Variants in ELF5 observed in about 807,000 individuals in gnomAD.
ELF5 encodes ETS-related transcription factor Elf-5.
Under a neutral mutation model 38.2 loss-of-function variants are expected in ELF5, and 31 were observed. That is an observed-to-expected ratio of 0.81 (90% CI 0.61 to 1.10). ELF5 has a LOEUF of 1.10. ELF5 is among the 50% of genes least tolerant of loss of function. The probability of loss-of-function intolerance (pLI) is 0.00; values close to 1 mark genes in which losing one functional copy is unlikely to be tolerated. For missense variants in ELF5, 300 were observed against 306.6 expected, an observed-to-expected ratio of 0.98 and a Z score of 0.16; for synonymous variants, 121 against 112.5, an observed-to-expected ratio of 1.08 and a Z score of -0.48.
chr11:34,484,516 T>C (rs1432913537), intron 4 of ELF5, among the ~76,000 whole-genome samples: 5 of 151,750 alleles, frequency 3.3e-5, no homozygotes, highest in South Asian at 2.1e-4. Context: ...TACTATACTA[T>C]ACTATACTAT....
chr11:34,490,868 C>G (rs568032391), intron 3 of ELF5, among the ~76,000 whole-genome samples: 2 of 152,112 alleles, frequency 1.3e-5, no homozygotes, highest in South Asian at 2.1e-4. Flanking sequence ...TCAGTTGACT[C>G]TGTCCAAAGG....
intron 5 of ELF5, among the ~76,000 whole-genome samples, chr11:34,482,003 T>A (rs1439651525): frequency 6.6e-6 from 1 of 152,198 alleles, no homozygotes; most frequent in Admixed American, 6.5e-5. Flanking sequence ...CTAATAGGAT[T>A]GCCAATTCCC....
In ELF5 at chr11:34,479,362, T is replaced by G. The variant is rs539562361; in HGVS notation, c.*856A>C. 8 of 152,346 alleles carry G rather than the reference T, an allele frequency of 5.3e-5. No homozygotes were observed. The highest frequency in any genetic ancestry group is 1.7e-4 in the African/African-American group (7 of 41,570). The allele number at this position is 152,346 out of a possible 1,614,324, so 9.4% of individuals were successfully genotyped here. A position where few individuals can be genotyped will look rare whatever the true frequency, so the allele number is the denominator to read the frequency against. ...CTGTTGACTAACTCTGCATATCAGA[T>G]GCCAGCCATCAGTTAGAAGGGGGAA... On this transcript the variant is annotated 3_prime_UTR_variant, in exon 7 of 7. Coordinates refer to ENST00000257832, the MANE Select transcript of ELF5 (RefSeq NM_001422.4).
At chr11:34,483,682 C>T (rs1856993530) in intron 4 of ELF5, among the ~76,000 whole-genome samples, 1 of 151,922 alleles carries the variant, frequency 6.6e-6, no homozygotes, top group Non-Finnish European at 1.5e-5. Context: ...GCATACTATA[C>T]CAACTATACT....
At chr11:34,511,098 C>T (rs1053316256) in intron 1 of ELF5, among the ~76,000 whole-genome samples, 1 of 152,198 alleles carries the variant, frequency 6.6e-6, no homozygotes, top group Non-Finnish European at 1.5e-5. Flanking sequence ...TCTGCAGACA[C>T]CCACCTGATT....
chr11:34,480,742 G>A (rs1485440640), intron 6 of ELF5, 30 bp downstream of exon 6: 4 of 1,604,198 alleles, frequency 2.5e-6, no homozygotes, highest in Non-Finnish European at 3.4e-6. Context: ...TCTTCTTGAA[G>A]GCTCATAGTA....
chr11:34,498,888 T>C (rs1280986914), intron 2 of ELF5, among the ~76,000 whole-genome samples: 3 of 152,072 alleles, frequency 2.0e-5, no homozygotes, highest in African/African-American at 7.3e-5. Context: ...GGTCAGGAGT[T>C]CAAGACCAGC....
At chr11:34,509,166 C>G (rs942431244) in intron 1 of ELF5, among the ~76,000 whole-genome samples, 3 of 152,116 alleles carry the variant, frequency 2.0e-5, no homozygotes, top group Non-Finnish European at 4.4e-5. Flanking sequence ...CCCGTCTCCA[C>G]TAAAAACACA....
At chr11:34,504,526 G>C (rs1474988440) in intron 2 of ELF5, among the ~76,000 whole-genome samples, 1 of 152,170 alleles carries the variant, frequency 6.6e-6, no homozygotes, top group Admixed American at 6.5e-5. Flanking sequence ...CCAGAGGCAG[G>C]GGCTTCTGGT....
chr11:34,493,470 A>T lies in ELF5; in HGVS notation c.355+9T>A. ...CCTCCCCTGGAGGTCTGGCCCTCTG[A>T]ACACTGACCTTGTGTGCGGATGTTC... On this transcript the variant is annotated intron_variant, in intron 3 of 6. Transcript: ENST00000257832. 1 of 1,612,190 alleles carries T rather than the reference A, an allele frequency of 6.2e-7. No individual in the cohort carries two copies. The highest frequency in any genetic ancestry group is 1.1e-5 in the South Asian group (1 of 90,698).
chr11:34,509,773 G>A (rs1850705711), intron 1 of ELF5, among the ~76,000 whole-genome samples: 1 of 152,132 alleles, frequency 6.6e-6, no homozygotes, highest in Non-Finnish European at 1.5e-5. Flanking sequence ...TTTTCTTCTG[G>A]GCCAGAAGGC....
rs1239030433 is a variant in ELF5, at chr11:34,490,044, T to C, written c.371A>G (p.Asn124Ser). The change falls in exon 4 of 7, where the codon AAT becomes AGT. Residue 124 changes from asparagine (N) to serine (S), a missense_variant. Physicochemically the swap from Asn to Ser is conservative, Grantham distance 46. Coordinates refer to ENST00000257832, the MANE Select transcript of ELF5 (RefSeq NM_001422.4). ...NIRTQGYSFF[N>S]DAEESKATIK... ...GGTGGCCTTGCTTTCTTCAGCGTCA[T>C]TAAAAAAGGAGTAACCTGGGAAAGA... 2.5e-6 allele frequency: 4 copies of C among 1,613,916 alleles called. No homozygotes were observed. The Admixed American group carries it at 6.7e-5, about 27-fold the overall frequency.
intron 2 of ELF5, among the ~76,000 whole-genome samples, chr11:34,504,240 C>T (rs1850548275): frequency 6.6e-6 from 1 of 152,224 alleles, no homozygotes; most frequent in South Asian, 2.1e-4. Context: ...AACCTGTTAA[C>T]CAAAGTTCAA....
chr11:34,506,363 G>T (rs952866507), intron 1 of ELF5, among the ~76,000 whole-genome samples: 6 of 152,112 alleles, frequency 3.9e-5, no homozygotes, highest in South Asian at 2.1e-4. Flanking sequence ...GGGGGCCAAG[G>T]TTGAAAAACT....
At chr11:34,490,111 C>T in intron 3 of ELF5, 52 bp from the exon 4 acceptor site, 3 of 1,598,112 alleles carry the variant, frequency 1.9e-6, no homozygotes, top group Non-Finnish European at 2.6e-6. Context: ...CTGGTTTCCA[C>T]TGGCCAGGCC....
At chr11:34,481,972 G>A (rs756424032) in intron 5 of ELF5, among the ~76,000 whole-genome samples, 6 of 152,188 alleles carry the variant, frequency 3.9e-5, no homozygotes, top group Middle Eastern at 3.2e-3. Flanking sequence ...GCTCTGGGCC[G>A]ATCTCTTAGT....
chr11:34,480,869 T>C lies in ELF5; in HGVS notation c.574A>G (p.Ile192Val). The C allele has an allele frequency of 6.2e-7, 1 of 1,614,108 alleles. No individual in the cohort carries two copies. Among genetic ancestry groups the C allele is most frequent in the Non-Finnish European group, 8.5e-7 (1 of 1,180,012 alleles). The change falls in exon 6 of 7, where the codon ATT becomes GTT. Residue 192 changes from isoleucine (I) to valine (V), a missense_variant. By Grantham distance (29) the Ile-to-Val change is conservative. Coordinates refer to ENST00000257832, the MANE Select transcript of ELF5 (RefSeq NM_001422.4). ...ILEWEDREQG[I>V]FRVVKSEALA... ...GCTTCCGATTTAACCACCCGAAAAA[T>C]TCCTTGTTCCCTATCTTCCCATTCC... is the stretch of plus-strand genomic sequence containing the variant.
intron 2 of ELF5, among the ~76,000 whole-genome samples, chr11:34,500,086 T>C (rs1021292257): frequency 2.0e-5 from 3 of 152,208 alleles, no homozygotes; most frequent in African/African-American, 7.2e-5. Context: ...TGGGAATACA[T>C]TTGTTCTCAG....
Position 34,484,191 on chromosome 11 carries a change from T to C in ELF5, c.407-1692A>G, listed in dbSNP as rs188154663. On this transcript the variant is annotated intron_variant, in intron 4 of 6. Coordinates refer to ENST00000257832, the MANE Select transcript of ELF5 (RefSeq NM_001422.4). ...TACTGTACTGTGCTATACTATACTG[T>C]ACTGTATTATACTAACTATACTGCA... Among the ~76,000 whole-genome samples the C allele has an allele frequency of 7.8e-4, 117 of 150,366 alleles. 11 individuals carry two copies. Among genetic ancestry groups the C allele is most frequent in the Admixed American group, 7.6e-3 (109 of 14,424 alleles).
Sources: allele counts gnomAD v4.1 joint callset (sites outside exome capture counted in the v4.1 genomes callset), GRCh38; gene constraint gnomAD v4.1.1; transcripts MANE v1.5; gene names NCBI Gene and HGNC (gene_info 2026-07-23, HGNC 2026-07-21).